The following F13A1 variants were observed in gnomAD, a reference collection of about 807,000 sequenced individuals.
F13A1 encodes FSF, A subunit.
Under a neutral mutation model 80.1 loss-of-function variants are expected in F13A1, and 47 were observed. The observed-to-expected ratio is 0.59, with a 90% CI of 0.46 to 0.75. The LOEUF is 0.75. Ranked by LOEUF, F13A1 falls within the 30% of genes least tolerant of loss-of-function variation. The pLI, the probability that F13A1 is intolerant of heterozygous loss-of-function variation, is 0.00. For missense variants in F13A1, 817 were observed against 930.4 expected (o/e 0.88, Z 1.59); for synonymous variants, 349 against 344.9 (o/e 1.01, Z -0.13).
At chr6:6,165,778 C>T (rs1182212027) in intron 13 of F13A1, among the ~76,000 whole-genome samples, 1 of 152,254 alleles carries the variant, frequency 6.6e-6, no homozygotes, top group East Asian at 1.9e-4. Context: ...CTGCAGCAAC[C>T]CTAATCCCCA....
At chr6:6,161,380 C>T (rs564959994) in intron 13 of F13A1, among the ~76,000 whole-genome samples, 14 of 152,216 alleles carry the variant, frequency 9.2e-5, no homozygotes, top group South Asian at 2.1e-4. Flanking sequence ...TAGGTCTGGA[C>T]GTGGGCCATG....
chr6:6,159,331 G>A (rs1008885231), intron 13 of F13A1, among the ~76,000 whole-genome samples: 6 of 152,254 alleles, frequency 3.9e-5, no homozygotes, highest in African/African-American at 9.6e-5. Context: ...GGTGTGAGCC[G>A]TAGGGAGACT....
chr6:6,278,927 T>C (rs989916640), intron 3 of F13A1, among the ~76,000 whole-genome samples: 3 of 152,148 alleles, frequency 2.0e-5, no homozygotes, highest in African/African-American at 7.2e-5. Flanking sequence ...AGGAGAGCAA[T>C]CAGGATTGCT....
intron 10 of F13A1, 134 bp from the exon 11 acceptor site, chr6:6,182,275 A>G (rs1261386578): frequency 2.2e-6 from 2 of 894,414 alleles, no homozygotes; most frequent in African/African-American, 3.3e-5. Context: ...TTGGATTCGT[A>G]TCATAGGGCC....
chr6:6,161,500 G>A (rs988383124), intron 13 of F13A1, among the ~76,000 whole-genome samples: 4 of 150,234 alleles, frequency 2.7e-5, no homozygotes, highest in African/African-American at 9.8e-5. Flanking sequence ...CTTTGCAAAG[G>A]GGATACTGAA....
intron 12 of F13A1, among the ~76,000 whole-genome samples, chr6:6,170,804 C>T (rs1477228818): frequency 1.3e-5 from 2 of 152,128 alleles, no homozygotes; most frequent in Non-Finnish European, 2.9e-5. Context: ...AATGCTTGAT[C>T]AAGGCCTGAA....
At chr6:6,209,815 A>C (rs1761569706) in intron 8 of F13A1, among the ~76,000 whole-genome samples, 1 of 152,214 alleles carries the variant, frequency 6.6e-6, no homozygotes, top group Non-Finnish European at 1.5e-5. Context: ...AGAGAGAGAA[A>C]GTAGATTCGA....
At chr6:6,203,425 C>T (rs751445648) in intron 8 of F13A1, among the ~76,000 whole-genome samples, 20 of 152,182 alleles carry the variant, frequency 1.3e-4, no homozygotes, top group Non-Finnish European at 2.4e-4. Flanking sequence ...CTGGCCTCAT[C>T]AGATGAGCCT....
chr6:6,289,651 G>T (rs1312264834), intron 3 of F13A1, among the ~76,000 whole-genome samples: 2 of 151,746 alleles, frequency 1.3e-5, no homozygotes, highest in Non-Finnish European at 2.9e-5. Flanking sequence ...CCACACTTCT[G>T]CTATAGTAAT....
intron 13 of F13A1, among the ~76,000 whole-genome samples, chr6:6,160,137 C>T (rs570856984): frequency 1.5e-4 from 22 of 151,374 alleles, no homozygotes; most frequent in South Asian, 4.2e-4. Flanking sequence ...ATTATCTGGG[C>T]GTGGTGGTGG....
intron 2 of F13A1, among the ~76,000 whole-genome samples, chr6:6,311,048 T>TA (rs1561687749): frequency 1.0e-3 from 56 of 53,954 alleles, no homozygotes; most frequent in African/African-American, 7.4e-3. Context: ...CTTTTTTTTT[T>TA]TAAAAAAAAG....
At chr6:6,203,740 G>A (rs992229387) in intron 8 of F13A1, among the ~76,000 whole-genome samples, 3 of 152,098 alleles carry the variant, frequency 2.0e-5, no homozygotes, top group Admixed American at 2.0e-4. Flanking sequence ...TTTTTAAGCT[G>A]TTACGTTGTG....
In F13A1 at chr6:6,303,878, G is replaced by A. The variant is rs576794607; in HGVS notation, c.319+1473C>T. Among the ~76,000 whole-genome samples the A allele has an allele frequency of 1.9e-3, 292 of 152,232 alleles. 2 individuals carry two copies. Among genetic ancestry groups the A allele is most frequent in the African/African-American group, 6.6e-3 (276 of 41,560 alleles). On this transcript the variant is annotated intron_variant, in intron 3 of 14. Transcript: ENST00000264870. ...TTTCTGGGTGCTTAGTGCTGGGGAA[G>A]ATAAAAGTTATTGATTTTTATATAT...
At position 6,190,234 on chromosome 6, in the gene F13A1, G is replaced by A. The variant is rs377243457; in HGVS notation, c.1305+5563C>T. Among the ~76,000 whole-genome samples, 544 of 152,214 alleles carry A rather than the reference G, an allele frequency of 3.6e-3. 3 individuals are homozygous for A. The highest frequency in any genetic ancestry group is 9.4e-3 in the African/African-American group (392 of 41,550). On this transcript the variant is annotated intron_variant, in intron 10 of 14. Transcript: ENST00000264870. ...CTTCTTCTCTCAGCTCGTCAAAGTC[G>A]TTCTCCGTCCAGCTTTGTTCCTTTG... is the stretch of plus-strand genomic sequence containing the variant.
At chr6:6,154,037 G>T (rs1463609252) in intron 13 of F13A1, among the ~76,000 whole-genome samples, 1 of 151,660 alleles carries the variant, frequency 6.6e-6, no homozygotes, top group East Asian at 1.9e-4. Context: ...CTGTCTAACT[G>T]GAGATCTTGA....
At chr6:6,247,529 C>G (rs145624152) in intron 6 of F13A1, among the ~76,000 whole-genome samples, 3 of 152,246 alleles carry the variant, frequency 2.0e-5, no homozygotes, top group African/African-American at 7.2e-5. Flanking sequence ...CCTGGACATC[C>G]CATTTAATCC....
At chr6:6,149,058 G>A (rs1760330032) in intron 14 of F13A1, among the ~76,000 whole-genome samples, 2 of 151,992 alleles carry the variant, frequency 1.3e-5, no homozygotes. Flanking sequence ...AGACTGAGGA[G>A]GAGAACATGA....
chr6:6,231,035 A>G (rs1757344225), intron 6 of F13A1, among the ~76,000 whole-genome samples: 1 of 152,152 alleles, frequency 6.6e-6, no homozygotes, highest in South Asian at 2.1e-4. Flanking sequence ...CCCCCCAAAA[A>G]TCACACTAGT....
At chr6:6,172,672 C>G (rs1056125314) in intron 12 of F13A1, among the ~76,000 whole-genome samples, 1 of 152,068 alleles carries the variant, frequency 6.6e-6, no homozygotes, top group East Asian at 1.9e-4. Context: ...GTCTCGAGCT[C>G]CTGACCTCAG....
Sources: allele counts gnomAD v4.1 joint callset (sites outside exome capture counted in the v4.1 genomes callset), GRCh38; gene constraint gnomAD v4.1.1; transcripts MANE v1.5; gene names NCBI Gene and HGNC (gene_info 2026-07-23, HGNC 2026-07-21).